ARHGAP15: variants seen among roughly 807,000 people sequenced by gnomAD.
ARHGAP15 encodes Rho GTPase activating protein 15.
In ARHGAP15, 51 loss-of-function variants were observed where a neutral mutation model predicts 63.7. The observed-to-expected ratio is 0.80, with a 90% confidence interval of 0.64 to 1.01. The LOEUF is 1.01. ARHGAP15 is among the 50% of genes least tolerant of loss of function. ARHGAP15 has a pLI of 0.00. For synonymous variants in ARHGAP15, 191 were observed against 193.8 expected (o/e 0.99, Z 0.12); for missense variants, 560 against 564.6 (o/e 0.99, Z 0.08).
chr2:143,558,359 A>G (rs1281688660), intron 11 of ARHGAP15, among the ~76,000 whole-genome samples: 1 of 151,924 alleles, frequency 6.6e-6, no homozygotes, highest in Non-Finnish European at 1.5e-5. Flanking sequence ...GATTATAGCA[A>G]TTTCATTCAA....
chr2:143,323,309 C>T (rs1231575418), intron 6 of ARHGAP15, among the ~76,000 whole-genome samples: 2 of 152,202 alleles, frequency 1.3e-5, no homozygotes, highest in South Asian at 2.1e-4. Context: ...GATTGCTCAC[C>T]AAAATCAGTG....
intron 12 of ARHGAP15, among the ~76,000 whole-genome samples, chr2:143,692,107 A>G (rs1040420335): frequency 6.6e-6 from 1 of 152,212 alleles, no homozygotes; most frequent in African/African-American, 2.4e-5. Flanking sequence ...CAAAGCAGCT[A>G]GACTCTCATG....
chr2:143,254,246 CTAAA>C (rs1466167799), intron 6 of ARHGAP15, among the ~76,000 whole-genome samples: 1 of 152,004 alleles, frequency 6.6e-6, no homozygotes, highest in Non-Finnish European at 1.5e-5. Flanking sequence ...GTTGTAATAA[CTAAA>C]TAAAACCATG....
At chr2:143,218,565 G>A (rs1030012492) in intron 4 of ARHGAP15, among the ~76,000 whole-genome samples, 1 of 152,052 alleles carries the variant, frequency 6.6e-6, no homozygotes, top group Non-Finnish European at 1.5e-5. Flanking sequence ...GTGTGAATGT[G>A]TTCTATATAG....
intron 13 of ARHGAP15, among the ~76,000 whole-genome samples, chr2:143,758,673 GAAT>G (rs1686662521): frequency 2.0e-5 from 3 of 152,038 alleles, no homozygotes; most frequent in Admixed American, 1.3e-4. Context: ...TTTTTAAAAA[GAAT>G]AATACCAAAT....
At chr2:143,289,381 C>T (rs189755004) in intron 6 of ARHGAP15, among the ~76,000 whole-genome samples, 50 of 152,228 alleles carry the variant, frequency 3.3e-4, no homozygotes, top group Admixed American at 6.5e-4. Context: ...TAAAATTGTA[C>T]AAATCAAAAT....
chr2:143,139,155 C>A (rs564832612), intron 1 of ARHGAP15, among the ~76,000 whole-genome samples: 1 of 152,170 alleles, frequency 6.6e-6, no homozygotes, highest in African/African-American at 2.4e-5. Flanking sequence ...TCTATGATAT[C>A]CCATCAGCAG....
chr2:143,728,106 T>C (rs1385488662), intron 13 of ARHGAP15, among the ~76,000 whole-genome samples: 3 of 152,236 alleles, frequency 2.0e-5, no homozygotes, highest in African/African-American at 4.8e-5. Flanking sequence ...CAGCCATTTA[T>C]GTTCTCACAC....
intron 6 of ARHGAP15, among the ~76,000 whole-genome samples, chr2:143,421,104 C>T (rs1267149364): frequency 6.6e-6 from 1 of 152,138 alleles, no homozygotes; most frequent in Non-Finnish European, 1.5e-5. Flanking sequence ...TGAGGTATCT[C>T]AGATGTATTC....
At chr2:143,226,549 T>C (rs932745388) in intron 4 of ARHGAP15, among the ~76,000 whole-genome samples, 1 of 152,242 alleles carries the variant, frequency 6.6e-6, no homozygotes, top group Non-Finnish European at 1.5e-5. Context: ...TCTATTATTA[T>C]GACCTGAATG....
chr2:143,327,472 C>T (rs1198217419), intron 6 of ARHGAP15, among the ~76,000 whole-genome samples: 5 of 152,162 alleles, frequency 3.3e-5, no homozygotes, highest in Non-Finnish European at 7.3e-5. Context: ...AAGCCGGAGG[C>T]ATCACACTAC....
intron 6 of ARHGAP15, among the ~76,000 whole-genome samples, chr2:143,356,542 A>C (rs990806945): frequency 2.0e-5 from 3 of 152,108 alleles, no homozygotes; most frequent in African/African-American, 7.2e-5. Context: ...GATGAATTCT[A>C]TTCTATATAC....
intron 3 of ARHGAP15, 130 bp from the exon 4 acceptor site, chr2:143,216,254 A>G (rs1241499101): frequency 4.6e-6 from 3 of 645,690 alleles, no homozygotes; most frequent in Non-Finnish European, 8.2e-6. Flanking sequence ...TAAGCTATAT[A>G]TGCATTATTA....
intron 11 of ARHGAP15, among the ~76,000 whole-genome samples, chr2:143,610,088 C>G (rs985659354): frequency 6.6e-6 from 1 of 151,870 alleles, no homozygotes; most frequent in Non-Finnish European, 1.5e-5. Flanking sequence ...TATAATGGGC[C>G]CAGATGCTCA....
At chr2:143,664,599 A>G (rs1682045783) in intron 12 of ARHGAP15, among the ~76,000 whole-genome samples, 1 of 151,358 alleles carries the variant, frequency 6.6e-6, no homozygotes, top group African/African-American at 2.4e-5. Flanking sequence ...GAGACACAAA[A>G]AACCCTTCAA....
intron 6 of ARHGAP15, among the ~76,000 whole-genome samples, chr2:143,280,565 C>T (rs1428596654): frequency 3.9e-5 from 6 of 152,116 alleles, no homozygotes; most frequent in Admixed American, 2.0e-4. Flanking sequence ...TGAGTGAACA[C>T]GGGCCTAGCA....
At chr2:143,557,992 C>G (rs1264851123) in intron 11 of ARHGAP15, among the ~76,000 whole-genome samples, 1 of 151,928 alleles carries the variant, frequency 6.6e-6, no homozygotes, top group Non-Finnish European at 1.5e-5. Context: ...AGGGGGATGC[C>G]TTGGAAACAT....
At chr2:143,194,858 T>A (rs1170320680) in intron 2 of ARHGAP15, among the ~76,000 whole-genome samples, 3 of 152,210 alleles carry the variant, frequency 2.0e-5, no homozygotes, top group Non-Finnish European at 4.4e-5. Flanking sequence ...ATTTTCTTTG[T>A]GGAACACATG....
At chr2:143,181,396 T>A (rs1485287693) in intron 2 of ARHGAP15, among the ~76,000 whole-genome samples, 1 of 152,234 alleles carries the variant, frequency 6.6e-6, no homozygotes, top group Non-Finnish European at 1.5e-5. Flanking sequence ...TGACTTTTCC[T>A]CTTGAGCTAT....
Sources: gnomAD v4.1 joint callset for allele counts (sites outside exome capture counted in the v4.1 genomes callset) on GRCh38, gnomAD v4.1.1 for gene constraint, MANE v1.5 for transcripts, NCBI Gene and HGNC (gene_info 2026-07-23, HGNC 2026-07-21) for gene names.